Variants in ANKS1A observed in about 807,000 individuals in gnomAD.
The protein encoded by ANKS1A is ankyrin repeat and SAM domain-containing protein 1A.
Under a neutral mutation model 120.3 loss-of-function variants are expected in ANKS1A, and 55 were observed. The ratio of observed to expected loss-of-function variants is 0.46; its 90% CI spans 0.37 to 0.57. The LOEUF is 0.57. Ranked by LOEUF, ANKS1A falls within the 20% of genes least tolerant of loss-of-function variation. ANKS1A has a pLI of 0.00. For synonymous variants in ANKS1A, 590 were observed against 604.7 expected (o/e 0.98, Z 0.36); for missense variants, 1,123 against 1,480.3 (o/e 0.76, Z 3.96).
At chr6:35,061,080 GTGGTT>G (rs1292346890) in intron 13 of ANKS1A, among the ~76,000 whole-genome samples, 1 of 152,214 alleles carries the variant, frequency 6.6e-6, no homozygotes, top group Non-Finnish European at 1.5e-5. Flanking sequence ...GCCGTTCTTA[GTGGTT>G]TGCGTGAATT....
At chr6:35,038,485 A>T (rs1185649475) in intron 11 of ANKS1A, among the ~76,000 whole-genome samples, 1 of 151,608 alleles carries the variant, frequency 6.6e-6, no homozygotes, top group Non-Finnish European at 1.5e-5. Context: ...CCTTTTTTTA[A>T]TTTTATTTTT....
At chr6:34,977,188 A>G (rs1771646031) in intron 3 of ANKS1A, among the ~76,000 whole-genome samples, 3 of 152,136 alleles carry the variant, frequency 2.0e-5, no homozygotes, top group Admixed American at 1.3e-4. Context: ...CTGTCTTTCA[A>G]TTTAGCTTTG....
chr6:35,079,251 C>A (rs560165552), intron 14 of ANKS1A, among the ~76,000 whole-genome samples: 6 of 146,812 alleles, frequency 4.1e-5, no homozygotes, highest in African/African-American at 8.2e-5. Context: ...GTTCTGCAGA[C>A]CCCCCCTCCC....
In ANKS1A at chr6:35,089,464, CTTTG is replaced by C. The variant is rs892867457; in HGVS notation, c.*860_*863del. 307 of 986,576 alleles carry C rather than the reference CTTTG, an allele frequency of 3.1e-4. 2 individuals carry two copies. The highest frequency in any genetic ancestry group is 2.0e-4 in the Non-Finnish European group (166 of 830,534). The allele number at this position is 986,576 out of a possible 1,614,324, so 61.1% of individuals were successfully genotyped here. The stretch of plus-strand genomic sequence containing the variant: ...TTGTGTCAGAGAATAGGAAAAGCAG[CTTTG>C]TTTGGGGCATTAATGCTTGGAGTGG... On this transcript the variant is annotated 3_prime_UTR_variant, in exon 24 of 24. Transcript: ENST00000360359.
chr6:35,011,597 A>G (rs1773763003), intron 10 of ANKS1A, among the ~76,000 whole-genome samples: 1 of 152,208 alleles, frequency 6.6e-6, no homozygotes, highest in Admixed American at 6.5e-5. Context: ...GATGGCTCCT[A>G]ATCTGAAGAT....
At chr6:35,062,916 G>C (rs1467290178) in intron 13 of ANKS1A, among the ~76,000 whole-genome samples, 2 of 152,076 alleles carry the variant, frequency 1.3e-5, no homozygotes, top group African/African-American at 4.8e-5. Flanking sequence ...TCTGTCTCTT[G>C]GTCCCAGGTT....
rs1304531305 is a variant in ANKS1A at position 35,057,939 on chromosome 6, C to G, written c.2078-2208C>G. Among the ~76,000 whole-genome samples the G allele has an allele frequency of 1.3e-5, 2 of 152,206 alleles. No individual in the cohort carries two copies. Among genetic ancestry groups the G allele is most frequent in the Non-Finnish European group, 2.9e-5 (2 of 68,046 alleles). On this transcript the variant is annotated intron_variant, in intron 12 of 23. Transcript: ENST00000360359. This position sits in a 1 kb window ranked among gnomAD's most constrained non-coding sequence, Gnocchi z 4.1. ...CTAGGAGCAGTCCCTCTCTATTCTT[C>G]CTGACAAGCTGTTTCCAGCCCCTGG...
intron 1 of ANKS1A, among the ~76,000 whole-genome samples, chr6:34,914,003 C>T (rs1055291793): frequency 2.0e-5 from 3 of 152,120 alleles, no homozygotes; most frequent in Admixed American, 6.5e-5. Context: ...CTGCAAGCTC[C>T]GCCTCTCAGG....
Position 34,994,401 on chromosome 6 carries a change from T to G in ANKS1A, c.1402T>G (p.Leu468Val). The change falls in exon 10 of 24, where the codon TTG becomes GTG. Residue 468 changes from leucine to valine, a missense_variant. By Grantham distance (32) the Leu-to-Val change is conservative (BLOSUM62 1). Coordinates refer to ENST00000360359, the MANE Select transcript of ANKS1A (RefSeq NM_015245.3). ...LLTAETKKVV[L>V]VDGKTKDHRR... ...AACAGCAGAGACAAAGAAAGTGGTG[T>G]TGGTGGATGGAAAAACAAAAGGTAC... is the stretch of plus-strand genomic sequence containing the variant. 6.2e-7 allele frequency: 1 copy of G among 1,612,838 alleles called. No homozygotes were observed. The highest frequency in any genetic ancestry group is 1.1e-5 in the South Asian group (1 of 91,064).
At chr6:34,970,670 G>A (rs1385929601) in intron 3 of ANKS1A, among the ~76,000 whole-genome samples, 1 of 152,178 alleles carries the variant, frequency 6.6e-6, no homozygotes. Context: ...AAAATTGCAT[G>A]GAGTCAGTTT....
At chr6:34,985,909 C>T (rs565897507) in intron 8 of ANKS1A, among the ~76,000 whole-genome samples, 1 of 152,210 alleles carries the variant, frequency 6.6e-6, no homozygotes, top group Non-Finnish European at 1.5e-5. Flanking sequence ...GTTTCTTTCT[C>T]TAGTACAGAT....
intron 13 of ANKS1A, among the ~76,000 whole-genome samples, chr6:35,064,244 G>C (rs991692942): frequency 6.6e-6 from 1 of 152,212 alleles, no homozygotes; most frequent in African/African-American, 2.4e-5. Flanking sequence ...GAGAGCCCAC[G>C]TGTGGCAGGC....
intron 8 of ANKS1A, among the ~76,000 whole-genome samples, chr6:34,988,103 C>G (rs1772304318): frequency 6.6e-6 from 1 of 152,208 alleles, no homozygotes; most frequent in Non-Finnish European, 1.5e-5. Flanking sequence ...TTTTCAGTGA[C>G]TTTCTTATTC....
intron 1 of ANKS1A, among the ~76,000 whole-genome samples, chr6:34,919,985 C>T (rs1457182408): frequency 6.6e-6 from 1 of 152,186 alleles, no homozygotes; most frequent in East Asian, 1.9e-4. Flanking sequence ...CTACCCACTT[C>T]TAGATGGCAA....
intron 1 of ANKS1A, among the ~76,000 whole-genome samples, chr6:34,945,713 T>C (rs1277860663): frequency 6.6e-6 from 1 of 152,220 alleles, no homozygotes; most frequent in Non-Finnish European, 1.5e-5. Context: ...TGTGCACTGA[T>C]TATTAATTAT....
At chr6:35,006,202 A>AG in intron 10 of ANKS1A, among the ~76,000 whole-genome samples, 1 of 151,254 alleles carries the variant, frequency 6.6e-6, no homozygotes, top group African/African-American at 2.4e-5. Flanking sequence ...AAAAAAAAAA[A>AG]AAAAATCAAG....
At chr6:35,034,271 G>GT (rs942947681) in intron 11 of ANKS1A, among the ~76,000 whole-genome samples, 3 of 152,036 alleles carry the variant, frequency 2.0e-5, no homozygotes, top group African/African-American at 7.2e-5. Flanking sequence ...TGACATCACC[G>GT]TAAGTGTTTT....
rs972197455 is a variant in ANKS1A, at chr6:34,968,841, C to T, written c.279-1169C>T. Among the ~76,000 whole-genome samples, 9 of 152,216 alleles carry T rather than the reference C, an allele frequency of 5.9e-5. No homozygotes were observed. The East Asian group carries it at 1.2e-3, about 20-fold the overall frequency. ...CTTAGAGTATTTTGTGTCACTTGTC[C>T]GATATTTGACCCACCCTAATTGACT... is the stretch of plus-strand genomic sequence containing the variant. On this transcript the variant is annotated intron_variant, in intron 2 of 23. Coordinates refer to ENST00000360359, the MANE Select transcript of ANKS1A (RefSeq NM_015245.3).
chr6:35,096,155 CA>C (rs1207962141), downstream of ANKS1A, among the ~76,000 whole-genome samples: 4 of 152,240 alleles, frequency 2.6e-5, no homozygotes, highest in Non-Finnish European at 4.4e-5. Context: ...TCTCCATCTT[CA>C]TGAGTTGCCT....
Sources: gnomAD v4.1 joint callset for allele counts (sites outside exome capture counted in the v4.1 genomes callset) on GRCh38, gnomAD v4.1.1 for gene constraint, Gnocchi (gnomAD v3.1) non-coding constraint, MANE v1.5 for transcripts, NCBI Gene and HGNC (gene_info 2026-07-23, HGNC 2026-07-21) for gene names.